UNC13C: variants seen among roughly 807,000 people sequenced by gnomAD.
UNC13C encodes unc-13 homolog C.
In UNC13C, 174 loss-of-function variants were observed where a neutral mutation model predicts 245.4. The observed-to-expected ratio is 0.71, with a 90% CI of 0.63 to 0.80. The LOEUF (loss-of-function observed/expected upper bound fraction) is 0.80, where lower values mean the gene tolerates loss of function less well. Among genes scored for constraint, UNC13C ranks in the 30% least tolerant of loss-of-function variants. The pLI is 0.00. For synonymous variants in UNC13C, 992 were observed against 895.1 expected (o/e 1.11, Z -1.93); for missense variants, 2,829 against 2,602.9 (o/e 1.09, Z -1.89).
At chr15:54,044,699 A>G (rs1230042689) in intron 2 of UNC13C, among the ~76,000 whole-genome samples, 1 of 152,122 alleles carries the variant, frequency 6.6e-6, no homozygotes, top group Non-Finnish European at 1.5e-5. Context: ...TTTATTGTGC[A>G]TATTTGAGGT....
At chr15:53,967,505 G>A in the UNC13C span, among the ~76,000 whole-genome samples, 1 of 151,984 alleles carries the variant, frequency 6.6e-6, no homozygotes, top group South Asian at 2.1e-4. Context: ...TCATACAAAA[G>A]CAGACACCAG....
At chr15:54,425,195 A>G (rs2040734727) in intron 19 of UNC13C, among the ~76,000 whole-genome samples, 1 of 151,886 alleles carries the variant, frequency 6.6e-6, no homozygotes, top group Non-Finnish European at 1.5e-5. Flanking sequence ...GTAGAAACAC[A>G]TTACAGTGAG....
the UNC13C span, among the ~76,000 whole-genome samples, chr15:53,862,134 A>T: frequency 6.6e-6 from 1 of 152,102 alleles, no homozygotes; most frequent in Non-Finnish European, 1.5e-5. Flanking sequence ...GAATTCTGGA[A>T]AGGGCTCTAT....
At chr15:53,921,355 C>T in the UNC13C span, among the ~76,000 whole-genome samples, 1 of 152,114 alleles carries the variant, frequency 6.6e-6, no homozygotes, top group Non-Finnish European at 1.5e-5. Context: ...TAAGAAAAAG[C>T]TGCCATATTA....
the UNC13C span, among the ~76,000 whole-genome samples, chr15:53,967,696 G>A: frequency 3.3e-5 from 5 of 152,202 alleles, no homozygotes; most frequent in African/African-American, 1.2e-4. Flanking sequence ...GATTAAGGTG[G>A]TGGCAGAAGG....
At chr15:54,364,753 C>T (rs1208564905) in intron 17 of UNC13C, among the ~76,000 whole-genome samples, 1 of 152,042 alleles carries the variant, frequency 6.6e-6, no homozygotes, top group African/African-American at 2.4e-5. Context: ...CTTAATGAAC[C>T]TTATTCAATG....
At chr15:54,018,174 A>T (rs1166562292) in intron 2 of UNC13C, among the ~76,000 whole-genome samples, 1 of 152,098 alleles carries the variant, frequency 6.6e-6, no homozygotes, top group Non-Finnish European at 1.5e-5. Context: ...CATCCCAAAG[A>T]GGTGCCAATT....
chr15:54,121,803 T>C (rs958682547), intron 2 of UNC13C, among the ~76,000 whole-genome samples: 1 of 152,018 alleles, frequency 6.6e-6, no homozygotes, highest in Non-Finnish European at 1.5e-5. Flanking sequence ...ATTCATGTAT[T>C]CTTTTATCTC....
chr15:53,965,297 C>T, the UNC13C span, among the ~76,000 whole-genome samples: 4 of 152,052 alleles, frequency 2.6e-5, no homozygotes, highest in Admixed American at 6.6e-5. Flanking sequence ...CTCCTCAGCT[C>T]GTATTAATTT....
chr15:54,462,236 T>C (rs971943991), intron 19 of UNC13C, among the ~76,000 whole-genome samples: 7 of 152,188 alleles, frequency 4.6e-5, no homozygotes, highest in African/African-American at 1.4e-4. Flanking sequence ...AAGGGACTAT[T>C]TATAGAGAAA....
the UNC13C span, chr15:53,913,178 G>T: frequency 6.6e-6 from 1 of 152,242 alleles, no homozygotes; most frequent in Non-Finnish European, 1.5e-5. Context: ...TTTAGAAGCA[G>T]CAATGCCCTT....
chr15:54,619,675 T>C (rs1404534034), intron 30 of UNC13C, among the ~76,000 whole-genome samples: 1 of 152,172 alleles, frequency 6.6e-6, no homozygotes, highest in East Asian at 1.9e-4. Flanking sequence ...AAATTTGAAA[T>C]GGTCAGAGGA....
rs1215422987 is a variant in UNC13C at position 54,291,202 on chromosome 15, T to C, written c.3819-2693T>C. Among the ~76,000 whole-genome samples the C allele has an allele frequency of 2.0e-5, 3 of 151,996 alleles. No homozygotes were observed. In the East Asian group the frequency reaches 5.8e-4, roughly 29 times the overall value. On this transcript the variant is annotated intron_variant, in intron 10 of 32. Transcript: ENST00000260323. Reference sequence around the variant, plus strand: ...TACAATAATTTCAGGTGTGGGTTCATAGTTATCTTGGGAATTCTGAGTCAA... The same window carrying C: ...TACAATAATTTCAGGTGTGGGTTCACAGTTATCTTGGGAATTCTGAGTCAA...
intron 30 of UNC13C, among the ~76,000 whole-genome samples, chr15:54,571,428 C>T (rs920014755): frequency 3.3e-5 from 5 of 152,196 alleles, no homozygotes; most frequent in Non-Finnish European, 7.3e-5. Flanking sequence ...TCACCAGGTC[C>T]ATCCCATGAC....
intron 4 of UNC13C, among the ~76,000 whole-genome samples, chr15:54,170,324 A>G (rs1195662692): frequency 6.6e-6 from 1 of 152,186 alleles, no homozygotes; most frequent in Non-Finnish European, 1.5e-5. Flanking sequence ...GGGGAAAAAG[A>G]TGAAAAAAAC....
At chr15:54,095,898 A>G (rs1044000016) in intron 2 of UNC13C, among the ~76,000 whole-genome samples, 5 of 152,200 alleles carry the variant, frequency 3.3e-5, no homozygotes, top group East Asian at 1.9e-4. Context: ...CCAGAGATTC[A>G]GAAAGGGAAT....
intron 2 of UNC13C, among the ~76,000 whole-genome samples, chr15:54,056,024 T>C (rs921343014): frequency 2.0e-5 from 3 of 152,136 alleles, no homozygotes; most frequent in Non-Finnish European, 4.4e-5. Context: ...TAAGTCCCAA[T>C]TGAGTACAAG....
chr15:54,145,078 C>A (rs1045957379), intron 4 of UNC13C, among the ~76,000 whole-genome samples: 5 of 151,852 alleles, frequency 3.3e-5, no homozygotes, highest in Admixed American at 6.6e-5. Context: ...ATACATGAGC[C>A]ACCGTGCCTG....
chr15:54,071,827 C>G (rs1898343217), intron 2 of UNC13C, among the ~76,000 whole-genome samples: 1 of 152,174 alleles, frequency 6.6e-6, no homozygotes, highest in East Asian at 1.9e-4. Context: ...ACATGTTCCT[C>G]AAAGCCTAAA....
Sources: gnomAD v4.1 joint callset for allele counts (sites outside exome capture counted in the v4.1 genomes callset) on GRCh38, gnomAD v4.1.1 for gene constraint, MANE v1.5 for transcripts, NCBI Gene and HGNC (gene_info 2026-07-23, HGNC 2026-07-21) for gene names.